Variants in TXNRD2 observed in about 807,000 individuals in gnomAD.
The protein encoded by TXNRD2 is thioredoxin reductase 2.
A neutral mutation model predicts 70.8 loss-of-function variants in TXNRD2; 67 were observed. That is an observed-to-expected ratio of 0.95 (90% CI 0.78 to 1.16). The LOEUF is 1.16. TXNRD2 is among the 50% of genes most tolerant of loss of function. TXNRD2 has a pLI of 0.00. For synonymous variants in TXNRD2, 301 were observed against 295.8 expected (o/e 1.02, Z -0.18); for missense variants, 644 against 719.9 (o/e 0.89, Z 1.21).
intron 6 of TXNRD2, among the ~76,000 whole-genome samples, chr22:19,915,479 C>T (rs1940596272): frequency 6.6e-6 from 1 of 152,162 alleles, no homozygotes; most frequent in African/African-American, 2.4e-5. Flanking sequence ...GCAGAAAGCA[C>T]AGGGAGATGT....
intron 11 of TXNRD2, 58 bp from the exon 12 acceptor site, chr22:19,883,519 G>T: frequency 1.2e-6 from 2 of 1,611,220 alleles, no homozygotes; most frequent in Middle Eastern, 1.7e-4. Flanking sequence ...ACCTAGAGCG[G>T]TTGTGTTTAA....
At chr22:19,940,270 C>CA in intron 1 of TXNRD2, among the ~76,000 whole-genome samples, 1 of 134,986 alleles carries the variant, frequency 7.4e-6, no homozygotes, top group South Asian at 2.3e-4. Flanking sequence ...AAAAAAACCC[C>CA]AAAAAAACAA....
rs868781134 is a variant in TXNRD2, at chr22:19,918,980, G to A, written c.254C>T (p.Thr85Ile). The change falls in exon 4 of 18, where the codon ACC (threonine) becomes ATC (isoleucine). Residue 85 changes from threonine to isoleucine, a missense_variant. Thr to Ile is a moderately conservative substitution (Grantham distance 89). Transcript: ENST00000400521. ...GGGGATGCAGCCCACGTTGACGCAG[G>A]TGCCGCCGAGGCCCCACCGGGTGCC... is the stretch of plus-strand genomic sequence containing the variant. ...PQGTRWGLGG[T>I]CVNVGCIPKK... is the part of the protein sequence containing the mutation. The A allele has an allele frequency of 6.2e-7, 1 of 1,611,558 alleles. No homozygotes were observed. Among genetic ancestry groups the A allele is most frequent in the Non-Finnish European group, 8.5e-7 (1 of 1,179,860 alleles).
chr22:19,921,689 G>A (rs981589692), intron 2 of TXNRD2, among the ~76,000 whole-genome samples: 11 of 152,190 alleles, frequency 7.2e-5, no homozygotes, highest in African/African-American at 2.2e-4. Flanking sequence ...GAGAACTGGG[G>A]GAGACTGAGG....
At chr22:19,914,940 G>C in intron 7 of TXNRD2, 1 of 477,274 alleles carries the variant, frequency 2.1e-6, no homozygotes, top group Admixed American at 3.4e-5. Context: ...TTAGGAAGCA[G>C]GATCCTGGTG....
chr22:19,894,017 G>A (rs1196980085), intron 11 of TXNRD2: 3 of 152,244 alleles, frequency 2.0e-5, no homozygotes, highest in African/African-American at 7.2e-5. Flanking sequence ...AGCAACCTAA[G>A]TGTCCACTGA....
chr22:19,932,232 C>T (rs1941392629), intron 1 of TXNRD2: 1 of 1,562,140 alleles, frequency 6.4e-7, no homozygotes, highest in Non-Finnish European at 8.8e-7. Context: ...GTGCACACAG[C>T]CAGGGTCTTG....
At chr22:19,901,837 G>A (rs1939792057) in intron 8 of TXNRD2, among the ~76,000 whole-genome samples, 1 of 152,214 alleles carries the variant, frequency 6.6e-6, no homozygotes, top group South Asian at 2.1e-4. Flanking sequence ...GCTGGCCACA[G>A]AAGTCAGGGG....
chr22:19,917,997 T>TGGG, intron 5 of TXNRD2, 146 bp downstream of exon 5: 1 of 716,798 alleles, frequency 1.4e-6, no homozygotes, highest in African/African-American at 1.7e-5. Flanking sequence ...CATCTGCTCC[T>TGGG]TGTCCTCATC....
intron 1 of TXNRD2, chr22:19,933,341 C>T (rs1302933865): frequency 2.5e-6 from 2 of 797,294 alleles, no homozygotes; most frequent in Non-Finnish European, 3.7e-6. Context: ...AAAATGCCAC[C>T]AGGTCCCCCG....
chr22:19,896,850 C>T (rs561351083), intron 10 of TXNRD2, among the ~76,000 whole-genome samples: 4 of 152,280 alleles, frequency 2.6e-5, no homozygotes, highest in Non-Finnish European at 5.9e-5. Flanking sequence ...GAGGGGCTGC[C>T]GCACAGGCTG....
chr22:19,905,143 C>T (rs1291000396), intron 8 of TXNRD2, among the ~76,000 whole-genome samples: 2 of 152,124 alleles, frequency 1.3e-5, no homozygotes, highest in Non-Finnish European at 1.5e-5. Flanking sequence ...TTAACAGCGC[C>T]GGACAAAAGC....
At chr22:19,883,600 G>A (rs1938889320) in intron 11 of TXNRD2, 139 bp from the exon 12 acceptor site, 3 of 1,218,102 alleles carry the variant, frequency 2.5e-6, no homozygotes, top group South Asian at 1.3e-5. Flanking sequence ...CACTGTAGGA[G>A]GACGAGGTGG....
chr22:19,888,335 A>C (rs929175301), intron 11 of TXNRD2, among the ~76,000 whole-genome samples: 6 of 152,198 alleles, frequency 3.9e-5, no homozygotes, highest in Non-Finnish European at 5.9e-5. Flanking sequence ...AGGAGGGACC[A>C]GAGAAGGCTG....
intron 9 of TXNRD2, among the ~76,000 whole-genome samples, chr22:19,898,550 T>C (rs999872587): frequency 7.4e-5 from 11 of 148,192 alleles, no homozygotes; most frequent in Non-Finnish European, 1.3e-4. Context: ...AGTCTCATTC[T>C]GTTGCCTAGG....
intron 5 of TXNRD2, among the ~76,000 whole-genome samples, chr22:19,917,245 A>G (rs932339836): frequency 2.0e-5 from 3 of 151,994 alleles, no homozygotes; most frequent in African/African-American, 7.2e-5. Flanking sequence ...GGCAGGGAGG[A>G]GGGAGGGCAG....
At position 19,909,889 on chromosome 22, in the gene TXNRD2, A is replaced by ACACACACACCACT. The variant is rs1940310488; in HGVS notation, c.662+1487_662+1488insAGTGGTGTGTGTG. Among the ~76,000 whole-genome samples the ACACACACACCACT allele has an allele frequency of 5.0e-4, 20 of 40,014 alleles. 1 individual carries two copies. The highest frequency in any genetic ancestry group is 0.014 in the Middle Eastern group (1 of 74). The allele number at this position is 40,014 out of a possible 152,430, so 26.3% of individuals were successfully genotyped here. On this transcript the variant is annotated intron_variant, in intron 8 of 17. Transcript: ENST00000400521. ...CACACACCACTCACACACACCACTC[A>ACACACACACCACT]CACACACACACACCACACACCCACA... is the stretch of plus-strand genomic sequence containing the variant.
In TXNRD2 at chr22:19,898,510, C is replaced by CTTTTT. The variant is rs386394954; in HGVS notation, c.683-385_683-381dup. 3.2e-4 allele frequency among the ~76,000 whole-genome samples: 30 copies of CTTTTT among 94,384 alleles called. 1 individual carries two copies. Among genetic ancestry groups the CTTTTT allele is most frequent in the Admixed American group, 3.7e-4 (3 of 8,164 alleles). The allele number at this position is 94,384 out of a possible 152,430, so 61.9% of individuals were successfully genotyped here. A position where few individuals can be genotyped will look rare whatever the true frequency, so the allele number is the denominator to read the frequency against. Reference sequence around the variant, plus strand: ...TGTGCTCTCAGCCAGCGGCTTGGGGCTTTTTTTTTTTTTTTTTTTTTTGAG... The same window carrying CTTTTT: ...TGTGCTCTCAGCCAGCGGCTTGGGGCTTTTTTTTTTTTTTTTTTTTTTTTTTTGAG... On this transcript the variant is annotated intron_variant, in intron 9 of 17. Coordinates refer to ENST00000400521, the MANE Select transcript of TXNRD2 (RefSeq NM_006440.5).
chr22:19,908,861 T>C (rs923526301), intron 8 of TXNRD2, among the ~76,000 whole-genome samples: 1 of 152,162 alleles, frequency 6.6e-6, no homozygotes, highest in Non-Finnish European at 1.5e-5. Context: ...GTGGTGATGG[T>C]TTCACGACAT....
Sources: allele counts gnomAD v4.1 joint callset (sites outside exome capture counted in the v4.1 genomes callset), GRCh38; gene constraint gnomAD v4.1.1; transcripts MANE v1.5; gene names NCBI Gene and HGNC (gene_info 2026-07-23, HGNC 2026-07-21).